Variants in GALNT1 observed in about 807,000 individuals in gnomAD.
The protein encoded by GALNT1 is GalNAc transferase 1.
Under a neutral mutation model 65.7 loss-of-function variants are expected in GALNT1, and 17 were observed. The ratio of observed to expected loss-of-function variants is 0.26; its 90% CI spans 0.18 to 0.39. The LOEUF (loss-of-function observed/expected upper bound fraction) is 0.39. GALNT1 is among the 10% of genes least tolerant of loss of function. The pLI, the probability that GALNT1 is intolerant of heterozygous loss-of-function variation, is 1.00. For synonymous variants in GALNT1, 210 were observed against 219.7 expected (o/e 0.96, Z 0.39); for missense variants, 460 against 672.8 (o/e 0.68, Z 3.50).
chr18:35,655,164 G>A (rs1027343800), intron 2 of GALNT1, among the ~76,000 whole-genome samples: 1 of 151,982 alleles, frequency 6.6e-6, no homozygotes, highest in Non-Finnish European at 1.5e-5. Flanking sequence ...GCATTATAAG[G>A]TATCAAAAGA....
intron 4 of GALNT1, among the ~76,000 whole-genome samples, chr18:35,681,833 C>T (rs1341020960): frequency 6.6e-6 from 1 of 152,092 alleles, no homozygotes; most frequent in Non-Finnish European, 1.5e-5. Context: ...GTCAGGCAGA[C>T]CTGGGTTTGA....
In GALNT1 at chr18:35,677,670, C is replaced by G; in HGVS notation, c.394C>G (p.Leu132Val). 1 of 1,613,016 alleles carries G rather than the reference C, an allele frequency of 6.2e-7. No homozygotes were observed. The highest frequency in any genetic ancestry group is 8.5e-7 in the Non-Finnish European group (1 of 1,179,128). The change falls in exon 4 of 12, where the codon CTT becomes GTT. Residue 132 changes from leucine (L) to valine (V), a missense_variant. By Grantham distance (32) the Leu-to-Val change is conservative. Coordinates refer to ENST00000269195, the MANE Select transcript of GALNT1 (RefSeq NM_020474.4). ...IVFHNEAWST[L>V]LRTVHSVINR... is the part of the protein sequence containing the mutation. ...TTTCCACAATGAGGCTTGGAGCACA[C>G]TTCTGCGAACTGTCCATAGTGTCAT... is the stretch of plus-strand genomic sequence containing the variant.
chr18:35,625,931 T>C (rs1263122011), intron 1 of GALNT1, among the ~76,000 whole-genome samples: 1 of 152,210 alleles, frequency 6.6e-6, no homozygotes, highest in Non-Finnish European at 1.5e-5. Context: ...CTCTTTAGCA[T>C]GATAGTTAAG....
chr18:35,647,554 A>G (rs984183900), intron 1 of GALNT1, among the ~76,000 whole-genome samples: 1 of 152,150 alleles, frequency 6.6e-6, no homozygotes, highest in Non-Finnish European at 1.5e-5. Flanking sequence ...TGTCTTTTTT[A>G]AGTCTTTTAG....
At chr18:35,703,433 C>A in intron 10 of GALNT1, 76 bp from the exon 11 acceptor site, 1 of 1,332,290 alleles carries the variant, frequency 7.5e-7, no homozygotes, top group Admixed American at 2.0e-5. Flanking sequence ...TTGTATTTTC[C>A]CTGACAGCTA....
At chr18:35,682,293 C>T (rs1455467016) in intron 4 of GALNT1, among the ~76,000 whole-genome samples, 1 of 151,494 alleles carries the variant, frequency 6.6e-6, no homozygotes, top group East Asian at 1.9e-4. Context: ...GTCATTTTGT[C>T]TTGTTGAGTC....
At position 35,709,728 on chromosome 18, in the gene GALNT1, G is replaced by A. The variant is rs1229188559; in HGVS notation, c.1638G>A (p.Gln546=). Residue 546 remains glutamine, a synonymous_variant, in exon 12 of 12, where the codon CAG becomes CAA. Coordinates refer to ENST00000269195, the MANE Select transcript of GALNT1 (RefSeq NM_020474.4). ...SIRDCNGSRS[Q]QWLLRNVTLP... is the part of the protein sequence containing the mutation. ...GAGACTGCAATGGAAGTCGGTCCCA[G>A]CAGTGGCTTCTTCGAAACGTCACCC... The A allele has an allele frequency of 6.2e-7, 1 of 1,614,044 alleles. No individual in the cohort carries two copies. The highest frequency in any genetic ancestry group is 1.7e-5 in the Admixed American group (1 of 60,002).
intron 1 of GALNT1, among the ~76,000 whole-genome samples, chr18:35,599,624 A>G (rs1011173711): frequency 1.3e-5 from 2 of 152,136 alleles, no homozygotes; most frequent in African/African-American, 4.8e-5. Context: ...TGGTCTCCCA[A>G]AGTGCTGGGC....
At chr18:35,659,046 G>A (rs1352172775) in intron 2 of GALNT1, among the ~76,000 whole-genome samples, 1 of 151,980 alleles carries the variant, frequency 6.6e-6, no homozygotes, top group Admixed American at 6.6e-5. Context: ...AGGGCCTCCT[G>A]GATCTTTGTT....
intron 2 of GALNT1, among the ~76,000 whole-genome samples, chr18:35,662,958 A>C (rs1174905966): frequency 6.6e-6 from 1 of 152,204 alleles, no homozygotes; most frequent in Admixed American, 6.5e-5. Flanking sequence ...GACAGGTTTG[A>C]CAATCATTAT....
intron 3 of GALNT1, among the ~76,000 whole-genome samples, chr18:35,670,652 G>A (rs2047621515): frequency 6.6e-6 from 1 of 152,190 alleles, no homozygotes; most frequent in Non-Finnish European, 1.5e-5. Context: ...ATTCTCAAAT[G>A]TGACTGGAAA....
chr18:35,621,101 T>G (rs917446127), intron 1 of GALNT1, among the ~76,000 whole-genome samples: 2 of 152,142 alleles, frequency 1.3e-5, no homozygotes, highest in Non-Finnish European at 2.9e-5. Flanking sequence ...ATGTTCCATG[T>G]TTATGATTCT....
chr18:35,636,783 G>GTT (rs58909585), intron 1 of GALNT1, among the ~76,000 whole-genome samples: 830 of 64,208 alleles, frequency 0.013, 48 homozygotes, highest in African/African-American at 0.032. Context: ...ATACTACTTT[G>GTT]TTTTTTTTTT....
upstream of GALNT1, chr18:35,581,438 G>C (rs1172070813): frequency 6.8e-6 from 1 of 146,582 alleles, no homozygotes; most frequent in Admixed American, 6.8e-5. Flanking sequence ...ATCCGGGTGA[G>C]CGCCGGCGCC....
intron 1 of GALNT1, among the ~76,000 whole-genome samples, chr18:35,634,630 A>T (rs2144233758): frequency 6.6e-6 from 1 of 152,298 alleles, no homozygotes; most frequent in South Asian, 2.1e-4. Context: ...CTCATTAGAG[A>T]GTCAGTGCCC....
At chr18:35,605,273 C>A (rs1395429002) in intron 1 of GALNT1, among the ~76,000 whole-genome samples, 1 of 151,954 alleles carries the variant, frequency 6.6e-6, no homozygotes, top group Non-Finnish European at 1.5e-5. Flanking sequence ...CCTTGGGAGG[C>A]CGAGACAGGT....
intron 1 of GALNT1, among the ~76,000 whole-genome samples, chr18:35,611,350 G>A (rs1163008563): frequency 6.6e-6 from 1 of 152,096 alleles, no homozygotes; most frequent in African/African-American, 2.4e-5. Flanking sequence ...GAGAAAGTGA[G>A]GCAGTTGAAC....
chr18:35,707,835 C>G (rs2048289150), intron 11 of GALNT1, among the ~76,000 whole-genome samples: 1 of 152,196 alleles, frequency 6.6e-6, no homozygotes, highest in Admixed American at 6.5e-5. Flanking sequence ...TTGTTCTGGT[C>G]TTTCCTGAGA....
intron 1 of GALNT1, among the ~76,000 whole-genome samples, chr18:35,582,185 G>C (rs1408437829): frequency 2.6e-5 from 4 of 152,154 alleles, no homozygotes; most frequent in Non-Finnish European, 4.4e-5. Context: ...GGGTTCGGCC[G>C]TGTGGTACTT....
Sources: gnomAD v4.1 joint callset for allele counts (sites outside exome capture counted in the v4.1 genomes callset) on GRCh38, gnomAD v4.1.1 for gene constraint, MANE v1.5 for transcripts, NCBI Gene and HGNC (gene_info 2026-07-23, HGNC 2026-07-21) for gene names.